SLC41A1: variants seen among roughly 807,000 people sequenced by gnomAD.
SLC41A1 encodes the protein solute carrier family 41 member 1, also known as solute carrier family 41 (magnesium transporter), member 1.
A neutral mutation model predicts 47.3 loss-of-function variants in SLC41A1; 20 were observed. The observed-to-expected ratio is 0.42, with a 90% CI of 0.30 to 0.61. SLC41A1 has a LOEUF of 0.61. SLC41A1 is among the 20% of genes least tolerant of loss of function. The probability of loss-of-function intolerance (pLI) is 0.17; values close to 1 mark genes in which losing one functional copy is unlikely to be tolerated. For missense variants in SLC41A1, 504 were observed against 674.1 expected (o/e 0.75, Z 2.79); for synonymous variants, 282 against 272.7 (o/e 1.03, Z -0.34).
chr1:205,801,179 C>T lies in SLC41A1; in HGVS notation c.373-119G>A, dbSNP rs139705449. 5.9e-4 allele frequency: 455 copies of T among 766,084 alleles called. 5 individuals carry two copies. In the East Asian group the frequency reaches 9.4e-3, roughly 16 times the overall value. 47.5% of individuals were successfully genotyped at this position (766,084 alleles called of 1,614,324 possible). ...AAATAGAATCAGCAGGGAGTGAGCA[C>T]GCCAGCCACCTTTCCTCCAAGAACC... On this transcript the variant is annotated intron_variant, in intron 2 of 10. Transcript: ENST00000367137.
In SLC41A1 at chr1:205,791,802, C is replaced by T. The variant is rs1168676633; in HGVS notation, c.1357-84G>A. 1.3e-6 allele frequency: 2 copies of T among 1,522,114 alleles called. No individual in the cohort carries two copies. The highest frequency in any genetic ancestry group is 1.8e-6 in the Non-Finnish European group (2 of 1,113,272). 94.3% of individuals were successfully genotyped at this position (1,522,114 alleles called of 1,614,324 possible). On this transcript the variant is annotated intron_variant, in intron 10 of 10. Transcript: ENST00000367137. This position sits in a 1 kb window ranked among gnomAD's most constrained non-coding sequence, Gnocchi z 4.0. ...GCCACATGATCAGACCCATTCAGTG[C>T]ATCACAGGGCTTGGCTGGCCATAAT...
chr1:205,797,064 G>C lies in SLC41A1; in HGVS notation c.993-61C>G, dbSNP rs190888237. The C allele has an allele frequency of 1.4e-3, 2,094 of 1,463,194 alleles. 6 individuals carry two copies. The highest frequency in any genetic ancestry group is 4.6e-3 in the Admixed American group (245 of 53,814). 90.6% of individuals were successfully genotyped at this position (1,463,194 alleles called of 1,614,324 possible). A position where few individuals can be genotyped will look rare whatever the true frequency, so the allele number is the denominator to read the frequency against. ...ACTGAAGGGTTCTGCCTTAGTCTCT[G>C]GGATGAGAGGTCCAGGCCCACCTAT... On this transcript the variant is annotated intron_variant, in intron 7 of 10. Coordinates refer to ENST00000367137, the MANE Select transcript of SLC41A1 (RefSeq NM_173854.6).
chr1:205,790,674 G>A lies in SLC41A1; in HGVS notation c.*859C>T, dbSNP rs758371957. The A allele has an allele frequency of 1.3e-5, 2 of 152,266 alleles. No individual in the cohort carries two copies. Among genetic ancestry groups the A allele is most frequent in the Non-Finnish European group, 2.9e-5 (2 of 68,078 alleles). The allele number at this position is 152,266 out of a possible 1,614,324, so 9.4% of individuals were successfully genotyped here. Reference sequence around the variant, plus strand: ...ACCCAACCTGGCAAGCTCTGGGGAAGGTAGTGCTTAGAGACAATTTGAGAT... The same window carrying A: ...ACCCAACCTGGCAAGCTCTGGGGAAAGTAGTGCTTAGAGACAATTTGAGAT... On this transcript the variant is annotated 3_prime_UTR_variant, in exon 11 of 11. Transcript: ENST00000367137.
At position 205,791,409 on chromosome 1, in the gene SLC41A1, A is replaced by T; in HGVS notation, c.*124T>A. 1 of 1,191,316 alleles carries T rather than the reference A, an allele frequency of 8.4e-7. No individual in the cohort carries two copies. Among genetic ancestry groups the T allele is most frequent in the Non-Finnish European group, 1.2e-6 (1 of 819,208 alleles). The allele number at this position is 1,191,316 out of a possible 1,614,324, so 73.8% of individuals were successfully genotyped here. A position where few individuals can be genotyped will look rare whatever the true frequency, so the allele number is the denominator to read the frequency against. ...AAAAATTCCCATTGAAAATAATGAG[A>T]ATTTGGTATCAAAGTGAAGTCCTAG... On this transcript the variant is annotated 3_prime_UTR_variant, in exon 11 of 11. Transcript: ENST00000367137. The surrounding 1 kb of genome is among the most constrained non-coding windows in gnomAD (Gnocchi z 4.0).
Position 205,791,302 on chromosome 1 carries a change from G to T in SLC41A1, c.*231C>A. ...CACCATGAAACTGCACTTGGTGATT[G>T]TCTCAAAAACCTACTTGTACTGCTT... On this transcript the variant is annotated 3_prime_UTR_variant, in exon 11 of 11. Transcript: ENST00000367137. This position sits in a 1 kb window ranked among gnomAD's most constrained non-coding sequence, Gnocchi z 4.0. The T allele has an allele frequency of 1.9e-6, 1 of 537,846 alleles. No homozygotes were observed. The highest frequency in any genetic ancestry group is 3.3e-6 in the Non-Finnish European group (1 of 299,902). 33.3% of individuals were successfully genotyped at this position (537,846 alleles called of 1,614,324 possible).
At chr1:205,797,836 G>T (rs1655783526) in intron 7 of SLC41A1, 68 bp downstream of exon 7, 1 of 1,602,596 alleles carries the variant, frequency 6.2e-7, no homozygotes. Flanking sequence ...CATCTCTCCA[G>T]GGTTTAAAAA....
chr1:205,800,942 A>G lies in SLC41A1; in HGVS notation c.480+11T>C. 1.2e-6 allele frequency: 2 copies of G among 1,612,198 alleles called. No individual in the cohort carries two copies. The highest frequency in any genetic ancestry group is 1.7e-6 in the Non-Finnish European group (2 of 1,178,632). ...TCTCTGTGCCCCACTCCTCCCAGCCAGGATACTCACTGCAGTGGAAAGCCT... is the reference window on the plus strand; with the variant it reads ...TCTCTGTGCCCCACTCCTCCCAGCCGGGATACTCACTGCAGTGGAAAGCCT... On this transcript the variant is annotated intron_variant, in intron 3 of 10. Transcript: ENST00000367137.
intron 3 of SLC41A1, 85 bp from the exon 4 acceptor site, chr1:205,799,915 G>T (rs949337462): frequency 2.6e-6 from 3 of 1,167,654 alleles, no homozygotes; most frequent in Non-Finnish European, 3.8e-6. Flanking sequence ...TAGATCATGA[G>T]GCAGTACATG....
Position 205,795,463 on chromosome 1 carries a change from A to G in SLC41A1, c.1088T>C (p.Leu363Pro). 1 of 1,614,232 alleles carries G rather than the reference A, an allele frequency of 6.2e-7. No homozygotes were observed. The highest frequency in any genetic ancestry group is 8.5e-7 in the Non-Finnish European group (1 of 1,180,032). The change falls in exon 9 of 11, where the codon CTG becomes CCG. Residue 363 changes from leucine (L) to proline (P), a missense_variant. Physicochemically the swap from Leu to Pro is moderately conservative, Grantham distance 98. Transcript: ENST00000367137. ...GATGCGGCTGGCCTGCACTGCCACC[A>G]GATTGCCCCCAACACCTGCAGAGAC... ...TPVINGVGGN[L>P]VAVQASRIST...
chr1:205,811,975 GAAACAA>G (rs1198014320), intron 1 of SLC41A1, among the ~76,000 whole-genome samples: 1 of 151,994 alleles, frequency 6.6e-6, no homozygotes, highest in African/African-American at 2.4e-5. Context: ...GGAATTCTTA[GAAACAA>G]AAACAAAAAA....
chr1:205,800,843 A>C, intron 3 of SLC41A1, 110 bp downstream of exon 3: 1 of 997,698 alleles, frequency 1.0e-6, no homozygotes. Flanking sequence ...CCCCAGCCCC[A>C]CACTCCAGGC....
chr1:205,799,581 C>T (rs1655824960), intron 4 of SLC41A1, among the ~76,000 whole-genome samples, 178 bp downstream of exon 4: 2 of 152,114 alleles, frequency 1.3e-5, no homozygotes. Context: ...GCTGGGCCCT[C>T]CTCATCTTGG....
At chr1:205,798,931 A>G (rs201386363) in intron 5 of SLC41A1, 26 bp downstream of exon 5, 1 of 1,614,002 alleles carries the variant, frequency 6.2e-7, no homozygotes, top group East Asian at 2.2e-5. Flanking sequence ...GGCACTCCTT[A>G]CTCCTCTATG....
At position 205,793,279 on chromosome 1, in the gene SLC41A1, G is replaced by A. The variant is rs145398771; in HGVS notation, c.1357-1561C>T. ...GCCTTTACAGGGGATCAAGTGTCAC[G>A]CTCTGGCCCTCCACAGATCTAGAGA... On this transcript the variant is annotated intron_variant, in intron 10 of 10. Transcript: ENST00000367137. 1.8e-4 allele frequency among the ~76,000 whole-genome samples: 28 copies of A among 152,316 alleles called. 1 individual carries two copies. The East Asian group carries it at 5.0e-3, about 27-fold the overall frequency.
rs1656204085 is a variant in SLC41A1 at position 205,813,133 on chromosome 1, C to T, written c.-972G>A. The T allele has an allele frequency of 4.1e-6, 4 of 985,652 alleles. No individual in the cohort carries two copies. The highest frequency in any genetic ancestry group is 4.8e-6 in the Non-Finnish European group (4 of 830,098). The allele number at this position is 985,652 out of a possible 1,614,324, so 61.1% of individuals were successfully genotyped here. On this transcript the variant is annotated 5_prime_UTR_variant, in exon 1 of 11. Transcript: ENST00000367137. ...AGCCGAGCTCACGCGCCCCCAATCG[C>T]TTCTTGCCCGCGGACTCGGGCCCAA...
In SLC41A1 at chr1:205,794,993, G is replaced by A. The variant is rs750362720; in HGVS notation, c.1233C>T (p.Val411=). ...SPDVNSRSAR[V]LFLLVVPGHL... is the part of the protein sequence containing the mutation. ...GTCCTGGGACCACGAGGAGGAAGAG[G>A]ACCCGGGCTGAGCGAGAATTCACAT... The change falls in exon 10 of 11, where the codon GTC becomes GTT. Residue 411 remains valine (V), a synonymous_variant. Coordinates refer to ENST00000367137, the MANE Select transcript of SLC41A1 (RefSeq NM_173854.6). 6.2e-7 allele frequency: 1 copy of A among 1,614,066 alleles called. No individual in the cohort carries two copies.
chr1:205,800,666 C>T (rs1294817895), intron 3 of SLC41A1, among the ~76,000 whole-genome samples: 4 of 152,154 alleles, frequency 2.6e-5, no homozygotes, highest in Admixed American at 6.5e-5. Context: ...GCTGCACAAA[C>T]AGTCACGAGG....
intron 7 of SLC41A1, among the ~76,000 whole-genome samples, chr1:205,797,296 T>C (rs1029531238): frequency 1.3e-5 from 2 of 152,248 alleles, no homozygotes; most frequent in Admixed American, 1.3e-4. Context: ...TATCTGCCTC[T>C]GAGGACCTCT....
In SLC41A1 at chr1:205,799,961, C is replaced by G. The variant is rs113537274; in HGVS notation, c.481-131G>C. The G allele has an allele frequency of 6.5e-6, 5 of 774,808 alleles. No individual in the cohort carries two copies. In the African/African-American group the frequency reaches 7.0e-5, roughly 11 times the overall value. 48.0% of individuals were successfully genotyped at this position (774,808 alleles called of 1,614,324 possible). A position where few individuals can be genotyped will look rare whatever the true frequency, so the allele number is the denominator to read the frequency against. The stretch of plus-strand genomic sequence containing the variant: ...CTCTGAGAGCAGGACCTGACAGTCC[C>G]GGAAAGGTGAAGCAGGATCAGGGAA... On this transcript the variant is annotated intron_variant, in intron 3 of 10. Coordinates refer to ENST00000367137, the MANE Select transcript of SLC41A1 (RefSeq NM_173854.6).
Sources: allele counts gnomAD v4.1 joint callset (sites outside exome capture counted in the v4.1 genomes callset), GRCh38; gene constraint gnomAD v4.1.1; non-coding constraint Gnocchi (gnomAD v3.1); transcripts MANE v1.5; gene names NCBI Gene and HGNC (gene_info 2026-07-23, HGNC 2026-07-21).